Variants in CDH12 observed in about 807,000 individuals in gnomAD.
CDH12 encodes the protein cadherin-12.
A neutral mutation model predicts 74.1 loss-of-function variants in CDH12; 41 were observed. The observed-to-expected ratio is 0.55, with a 90% CI of 0.43 to 0.72. The LOEUF (loss-of-function observed/expected upper bound fraction) is 0.72, where lower values mean the gene tolerates loss of function less well. CDH12 is among the 30% of genes least tolerant of loss of function. The pLI, the probability that CDH12 is intolerant of heterozygous loss-of-function variation, is 0.00. For missense variants in CDH12, 945 were observed against 977.2 expected (o/e 0.97, Z 0.44); for synonymous variants, 399 against 355.0 (o/e 1.12, Z -1.39).
At chr5:22,315,119 C>CTTTTTTTTTCTT (rs1738570945) in intron 3 of CDH12, among the ~76,000 whole-genome samples, 1 of 22,994 alleles carries the variant, frequency 4.3e-5, no homozygotes, top group Admixed American at 7.2e-4. Flanking sequence ...GCCTGCCTGG[C>CTTTTTTTTTCTT]TTTTTTTTTT....
intron 4 of CDH12, among the ~76,000 whole-genome samples, chr5:22,117,489 T>TAATATATATATAA (rs1491147762): frequency 6.2e-5 from 3 of 48,602 alleles, no homozygotes; most frequent in African/African-American, 2.2e-4. Flanking sequence ...TATATATATA[T>TAATATATATATAA]TATATATATA....
chr5:21,829,264 A>G (rs1179783228), intron 8 of CDH12, among the ~76,000 whole-genome samples: 1 of 152,218 alleles, frequency 6.6e-6, no homozygotes, highest in Admixed American at 6.5e-5. Flanking sequence ...ACTGCACTCC[A>G]CACTCTAGCC....
intron 1 of CDH12, among the ~76,000 whole-genome samples, chr5:22,785,508 T>G (rs1246279366): frequency 4.6e-5 from 7 of 152,072 alleles, no homozygotes; most frequent in Non-Finnish European, 7.4e-5. Flanking sequence ...TGTTTTGTTG[T>G]TGGTGGTTTT....
chr5:21,806,391 A>T (rs1207258415), intron 9 of CDH12, among the ~76,000 whole-genome samples: 2 of 152,086 alleles, frequency 1.3e-5, no homozygotes, highest in Admixed American at 1.3e-4. Context: ...AATAACTATC[A>T]TCTATTTTCT....
intron 6 of CDH12, among the ~76,000 whole-genome samples, chr5:21,887,551 T>C (rs1247370338): frequency 6.6e-6 from 1 of 152,152 alleles, no homozygotes. Context: ...ACACTGCGGA[T>C]CCATAGCTTC....
intron 1 of CDH12, among the ~76,000 whole-genome samples, chr5:22,822,569 A>G (rs1251929515): frequency 6.6e-6 from 1 of 152,222 alleles, no homozygotes; most frequent in Non-Finnish European, 1.5e-5. Flanking sequence ...AAAAGTGGGC[A>G]AAGGATATGA....
At chr5:22,026,546 G>A (rs2150167400) in intron 5 of CDH12, among the ~76,000 whole-genome samples, 1 of 152,226 alleles carries the variant, frequency 6.6e-6, no homozygotes, top group South Asian at 2.1e-4. Context: ...TCCAGGAACT[G>A]CTCATCCATT....
Position 21,918,270 on chromosome 5 carries a change from T to G in CDH12, c.526+56821A>C, listed in dbSNP as rs141886936. Among the ~76,000 whole-genome samples the G allele has an allele frequency of 6.6e-3, 1,006 of 152,238 alleles. 10 individuals carry two copies. The highest frequency in any genetic ancestry group is 0.023 in the African/African-American group (950 of 41,550). On this transcript the variant is annotated intron_variant, in intron 6 of 14. Coordinates refer to ENST00000382254, the MANE Select transcript of CDH12 (RefSeq NM_004061.5). ...TATTTTATCCAGTTTCCAATATGCA[T>G]TTAAGTGTGTGTTGTAATTAAAATA...
At chr5:22,841,028 ACTT>A (rs1737060020) in intron 1 of CDH12, among the ~76,000 whole-genome samples, 1 of 152,268 alleles carries the variant, frequency 6.6e-6, no homozygotes, top group East Asian at 1.9e-4. Context: ...CTACACAGAC[ACTT>A]GGTACTTCCT....
At chr5:22,183,110 C>G (rs1411568887) in intron 4 of CDH12, among the ~76,000 whole-genome samples, 2 of 148,930 alleles carry the variant, frequency 1.3e-5, no homozygotes, top group East Asian at 3.9e-4. Context: ...GGCTCAACCA[C>G]AGGAATAATC....
chr5:22,415,190 G>C (rs1184679777), intron 2 of CDH12, among the ~76,000 whole-genome samples: 1 of 151,624 alleles, frequency 6.6e-6, no homozygotes, highest in African/African-American at 2.4e-5. Context: ...CTAAAAATAA[G>C]TAATAAAGAA....
intron 3 of CDH12, among the ~76,000 whole-genome samples, chr5:22,266,674 A>G (rs963104033): frequency 2.6e-5 from 4 of 152,144 alleles, no homozygotes; most frequent in Admixed American, 6.6e-5. Flanking sequence ...TATTTGGATT[A>G]GAGAGTACAG....
intron 6 of CDH12, among the ~76,000 whole-genome samples, chr5:21,871,460 G>A (rs1314194193): frequency 1.3e-5 from 2 of 152,110 alleles, no homozygotes; most frequent in African/African-American, 2.4e-5. Context: ...ACCGCTGGGC[G>A]CAGTGGCTCA....
At chr5:22,744,167 C>T (rs186884668) in intron 1 of CDH12, among the ~76,000 whole-genome samples, 214 of 152,192 alleles carry the variant, frequency 1.4e-3, no homozygotes, top group African/African-American at 4.8e-3. Context: ...CGGTGGCTCA[C>T]GCCTGTAATC....
At chr5:22,463,310 T>C (rs1008351927) in intron 2 of CDH12, among the ~76,000 whole-genome samples, 3 of 152,184 alleles carry the variant, frequency 2.0e-5, no homozygotes, top group Non-Finnish European at 4.4e-5. Context: ...ATTTATTTCT[T>C]AATTCATTTT....
intron 1 of CDH12, among the ~76,000 whole-genome samples, chr5:22,833,263 C>T (rs1204451465): frequency 6.6e-6 from 1 of 152,140 alleles, no homozygotes; most frequent in African/African-American, 2.4e-5. Context: ...TGCTAGCTCA[C>T]TGGCTGGAGA....
Position 22,607,770 on chromosome 5 carries a change from A to G in CDH12, c.-522-102406T>C, listed in dbSNP as rs145052550. On this transcript the variant is annotated intron_variant, in intron 1 of 14. Coordinates refer to ENST00000382254, the MANE Select transcript of CDH12 (RefSeq NM_004061.5). ...TGGTGCACTGCATCCTAGCTGCTCC[A>G]GCTATGGCTCAAAGAGGCCAACGTA... 3.6e-3 allele frequency among the ~76,000 whole-genome samples: 550 copies of G among 152,360 alleles called. 1 individual carries two copies. Among genetic ancestry groups the G allele is most frequent in the African/African-American group, 0.01 (423 of 41,598 alleles).
intron 4 of CDH12, among the ~76,000 whole-genome samples, chr5:22,120,187 A>G (rs1745421207): frequency 6.6e-6 from 1 of 152,174 alleles, no homozygotes; most frequent in Non-Finnish European, 1.5e-5. Context: ...TCAGAGGTTA[A>G]TTGTGTTTTT....
intron 5 of CDH12, among the ~76,000 whole-genome samples, chr5:21,988,571 T>G (rs1757618475): frequency 1.3e-5 from 2 of 150,396 alleles, no homozygotes; most frequent in Non-Finnish European, 1.5e-5. Flanking sequence ...TTCCTAATTT[T>G]CAGGGTATAA....
Sources: gnomAD v4.1 joint callset for allele counts (sites outside exome capture counted in the v4.1 genomes callset) on GRCh38, gnomAD v4.1.1 for gene constraint, MANE v1.5 for transcripts, NCBI Gene and HGNC (gene_info 2026-07-23, HGNC 2026-07-21) for gene names.